PRSS23: variants seen among roughly 807,000 people sequenced by gnomAD.
PRSS23 encodes serine protease 23, also known as protease, serine 23.
Under a neutral mutation model 34.7 loss-of-function variants are expected in PRSS23, and 25 were observed. The observed-to-expected ratio is 0.72, with a 90% CI of 0.53 to 1.01. The LOEUF (loss-of-function observed/expected upper bound fraction) is 1.01, where lower values mean the gene tolerates loss of function less well. Among genes scored for constraint, PRSS23 ranks in the 50% least tolerant of loss-of-function variants. The pLI, the probability that PRSS23 is intolerant of heterozygous loss-of-function variation, is 0.00. For synonymous variants in PRSS23, 176 were observed against 186.6 expected, an observed-to-expected ratio of 0.94 and a Z score of 0.46; for missense variants, 445 against 475.6, an observed-to-expected ratio of 0.94 and a Z score of 0.60.
chr11:86,888,569 TG>T (rs576832416), intron 2 of PRSS23, among the ~76,000 whole-genome samples: 4 of 152,294 alleles, frequency 2.6e-5, no homozygotes, highest in Non-Finnish European at 5.9e-5. Context: ...CTGTGTTCGG[TG>T]GAGTTACATG....
intron 2 of PRSS23, among the ~76,000 whole-genome samples, chr11:86,864,983 G>A (rs999463985): frequency 2.0e-5 from 3 of 152,160 alleles, no homozygotes; most frequent in Non-Finnish European, 4.4e-5. Context: ...GGATCATTTT[G>A]CCATCTGAAA....
chr11:86,848,214 A>G (rs1948501925), intron 2 of PRSS23, among the ~76,000 whole-genome samples: 1 of 152,244 alleles, frequency 6.6e-6, no homozygotes, highest in Non-Finnish European at 1.5e-5. Flanking sequence ...CAGTCCTTTG[A>G]TCTAACATGG....
intron 2 of PRSS23, among the ~76,000 whole-genome samples, chr11:86,870,997 T>A (rs1443777848): frequency 6.6e-6 from 1 of 152,220 alleles, no homozygotes; most frequent in African/African-American, 2.4e-5. Flanking sequence ...ACTATTTATA[T>A]TGACAATTTT....
At chr11:86,793,343 T>C (rs560995934) in intron 1 of PRSS23, among the ~76,000 whole-genome samples, 1 of 152,328 alleles carries the variant, frequency 6.6e-6, no homozygotes, top group South Asian at 2.1e-4. Flanking sequence ...TCCAATAGCA[T>C]TCTTTAATCC....
At chr11:86,835,771 G>C (rs766085647) in intron 2 of PRSS23, among the ~76,000 whole-genome samples, 1 of 152,132 alleles carries the variant, frequency 6.6e-6, no homozygotes, top group Non-Finnish European at 1.5e-5. Flanking sequence ...CTGAGCCTTT[G>C]GTTTGGAAAC....
At chr11:86,863,002 C>T (rs185844615) in intron 2 of PRSS23, among the ~76,000 whole-genome samples, 2 of 152,142 alleles carry the variant, frequency 1.3e-5, no homozygotes, top group Middle Eastern at 3.4e-3. Flanking sequence ...TTATTTGTAA[C>T]ATCCTAGAAA....
chr11:86,800,755 G>C (rs1948026265), intron 1 of PRSS23, 104 bp downstream of exon 1: 1 of 680,302 alleles, frequency 1.5e-6, no homozygotes, highest in South Asian at 6.5e-5. Flanking sequence ...GGGTAACTGC[G>C]GGCTGCCGGA....
chr11:86,951,368 G>A, exon 3 of PRSS23: 1 of 1,613,868 alleles, frequency 6.2e-7, no homozygotes, highest in African/African-American at 1.3e-5. Flanking sequence ...CCGAAAAAGT[G>A]CCCAGTTGGA....
chr11:86,925,552 A>G (rs1949075694), intron 2 of PRSS23, among the ~76,000 whole-genome samples: 1 of 152,218 alleles, frequency 6.6e-6, no homozygotes, highest in Non-Finnish European at 1.5e-5. Context: ...GTAGCTCTCA[A>G]TAACAGAAAG....
At chr11:86,873,872 A>C (rs948999966) in intron 2 of PRSS23, among the ~76,000 whole-genome samples, 2 of 152,132 alleles carry the variant, frequency 1.3e-5, no homozygotes, top group Non-Finnish European at 2.9e-5. Context: ...AGTTCCTGAC[A>C]CTAAGTTGCA....
intron 1 of PRSS23, among the ~76,000 whole-genome samples, chr11:86,817,087 A>G (rs1948219661): frequency 6.6e-6 from 1 of 152,174 alleles, no homozygotes; most frequent in African/African-American, 2.4e-5. Context: ...ATTTTTTCAA[A>G]TGGCCTATTT....
In PRSS23 at chr11:86,905,436, G is replaced by A. The variant is rs142658304; in HGVS notation, c.207-45780G>A. Among the ~76,000 whole-genome samples the A allele has an allele frequency of 8.9e-4, 136 of 152,240 alleles. 1 individual carries two copies. The highest frequency in any genetic ancestry group is 3.1e-3 in the African/African-American group (129 of 41,546). ...GATACTCTTGCTCTAGCCTCTTCAGGAGGTGGAGAGTCATATATGAATCTG... is the reference window on the plus strand; with the variant it reads ...GATACTCTTGCTCTAGCCTCTTCAGAAGGTGGAGAGTCATATATGAATCTG... On this transcript the variant is annotated intron_variant, in intron 2 of 2. Transcript: ENST00000533902.
At chr11:86,919,613 G>A (rs917543565) in intron 2 of PRSS23, among the ~76,000 whole-genome samples, 2 of 152,174 alleles carry the variant, frequency 1.3e-5, no homozygotes, top group African/African-American at 4.8e-5. Context: ...AAGAGACTTG[G>A]TTTCTCATAA....
intron 1 of PRSS23, among the ~76,000 whole-genome samples, chr11:86,806,676 G>A (rs536975008): frequency 1.5e-4 from 23 of 152,200 alleles, no homozygotes; most frequent in Non-Finnish European, 2.6e-4. Context: ...CTGAGCTACC[G>A]CATCATCCAT....
Position 86,820,440 on chromosome 11 carries a change from G to C in PRSS23, c.-11-2937G>C, listed in dbSNP as rs548250637. 3.0e-4 allele frequency among the ~76,000 whole-genome samples: 45 copies of C among 152,290 alleles called. 1 individual carries two copies. The South Asian group carries it at 9.3e-3, about 32-fold the overall frequency. ...GGTTAAGGGAAATGAGGAGTGGACA[G>C]GGCAGGTTTCCAGTGGGAACATCAT... On this transcript the variant is annotated intron_variant, in intron 1 of 2. Coordinates refer to the PRSS23 transcript ENST00000533902.
intron 2 of PRSS23, among the ~76,000 whole-genome samples, chr11:86,846,303 C>T (rs1565364423): frequency 6.6e-6 from 1 of 152,080 alleles, no homozygotes; most frequent in Non-Finnish European, 1.5e-5. Flanking sequence ...TACAATCAGA[C>T]CTCTTTTGCT....
At chr11:86,951,263 G>A (rs1426083508) in exon 3 of PRSS23, 11 of 1,613,936 alleles carry the variant, frequency 6.8e-6, no homozygotes, top group East Asian at 2.2e-5. Flanking sequence ...AAGAGTTTTG[G>A]CAGACCAAAT....
intron 2 of PRSS23, among the ~76,000 whole-genome samples, chr11:86,879,870 G>A (rs1195711911): frequency 4.1e-5 from 6 of 147,184 alleles, no homozygotes; most frequent in Non-Finnish European, 7.5e-5. Context: ...GGGAGGTGAG[G>A]GGCGCCTCTG....
chr11:86,808,229 A>C lies in PRSS23; in HGVS notation c.586A>C (p.Lys196Gln), dbSNP rs756391774. 2 of 1,614,148 alleles carry C rather than the reference A, an allele frequency of 1.2e-6. No individual in the cohort carries two copies. The highest frequency in any genetic ancestry group is 2.2e-5 in the South Asian group (2 of 91,082). ...GTQKLRVGFL[K>Q]PKFKDGGRGA... The stretch of plus-strand genomic sequence containing the variant: ...CCAGAAGCTTCGAGTGGGCTTCCTA[A>C]AGCCCAAGTTTAAAGATGGTGGTCG... The change falls in exon 2 of 2, where the codon AAG becomes CAG. Residue 196 changes from lysine (K) to glutamine (Q), a missense_variant. By Grantham distance (53) the Lys-to-Gln change is moderately conservative. Coordinates refer to ENST00000280258, the MANE Select transcript of PRSS23 (RefSeq NM_007173.6).
Sources: gnomAD v4.1 joint callset for allele counts (sites outside exome capture counted in the v4.1 genomes callset) on GRCh38, gnomAD v4.1.1 for gene constraint, MANE v1.5 for transcripts, NCBI Gene and HGNC (gene_info 2026-07-23, HGNC 2026-07-21) for gene names.